RAPGEF2: variants seen among roughly 807,000 people sequenced by gnomAD.
RAPGEF2 encodes PDZ domain containing guanine nucleotide exchange factor (GEF) 1.
Under a neutral mutation model 186.7 loss-of-function variants are expected in RAPGEF2, and 54 were observed. That is an observed-to-expected ratio of 0.29 (90% confidence interval 0.23 to 0.36). The LOEUF is 0.36. Among genes scored for constraint, RAPGEF2 ranks in the 10% least tolerant of loss-of-function variants. The probability of loss-of-function intolerance (pLI) is 1.00; values close to 1 mark genes in which losing one functional copy is unlikely to be tolerated. For missense variants in RAPGEF2, 1,532 were observed against 2,045.0 expected, an observed-to-expected ratio of 0.75 and a Z score of 4.84; for synonymous variants, 712 against 705.9, an observed-to-expected ratio of 1.01 and a Z score of -0.14.
chr4:159,238,838 G>A lies in RAPGEF2; in HGVS notation c.311G>A (p.Arg104Lys), dbSNP rs1369649231. The change falls in exon 5 of 30, where the codon AGG becomes AAG. Residue 104 changes from arginine (R) to lysine (K), a missense_variant. By Grantham distance (26) the Arg-to-Lys change is conservative (BLOSUM62 2). Around this residue, in one of 4 missense-constraint regions of RAPGEF2, gnomAD observed 810 missense variants for 1,210.5 expected, o/e 0.67. Coordinates refer to ENST00000691494, the MANE Select transcript of RAPGEF2 (RefSeq NM_001394067.2). ...GGCAAGCGTTCTGCAGGAAGTTTTA[G>A]GCGTGGCTGTGAATGCATTGTTTTA... ...SFGKRSAGSFRRGCECIVLEP... is the reference protein window; with the variant it reads ...SFGKRSAGSFKRGCECIVLEP... 5 of 1,524,420 alleles carry A rather than the reference G, an allele frequency of 3.3e-6. No homozygotes were observed. Among genetic ancestry groups the A allele is most frequent in the Non-Finnish European group, 4.4e-6 (5 of 1,143,410 alleles). The allele number at this position is 1,524,420 out of a possible 1,614,324, so 94.4% of individuals were successfully genotyped here. A position where few individuals can be genotyped will look rare whatever the true frequency, so the allele number is the denominator to read the frequency against.
intron 7 of RAPGEF2, among the ~76,000 whole-genome samples, chr4:159,261,983 A>G (rs1756929327): frequency 6.6e-6 from 1 of 152,156 alleles, no homozygotes; most frequent in African/African-American, 2.4e-5. Context: ...TGCCTATCAA[A>G]TTATTTAAAA....
At chr4:159,330,592 T>A in intron 13 of RAPGEF2, 94 bp downstream of exon 13, 1 of 904,190 alleles carries the variant, frequency 1.1e-6, no homozygotes, top group Non-Finnish European at 1.7e-6. Context: ...ATGTCCAGAT[T>A]AATGTAATGA....
intron 7 of RAPGEF2, among the ~76,000 whole-genome samples, chr4:159,269,661 G>A (rs1284516084): frequency 6.6e-6 from 1 of 152,212 alleles, no homozygotes; most frequent in Non-Finnish European, 1.5e-5. Flanking sequence ...CTTAAAGTGT[G>A]TGTATGTTTG....
chr4:159,158,930 C>T (rs930192595), intron 1 of RAPGEF2, among the ~76,000 whole-genome samples: 6 of 152,078 alleles, frequency 3.9e-5, no homozygotes, highest in Non-Finnish European at 8.8e-5. Context: ...AAACAATAGC[C>T]GTAGCTGTAT....
Position 159,339,157 on chromosome 4 carries a change from A to G in RAPGEF2, c.2337A>G (p.Gln779=). The G allele has an allele frequency of 6.2e-7, 1 of 1,614,190 alleles. No individual in the cohort carries two copies. ...TAAGGGTTTTTAAGGCTGATCAGCAAAGCCGCTACATCATGATCAGTAAGG... is the reference window on the plus strand; with the variant it reads ...TAAGGGTTTTTAAGGCTGATCAGCAGAGCCGCTACATCATGATCAGTAAGG... ...QVLRVFKADQ[Q]SRYIMISKDT... Residue 779 remains glutamine, a synonymous_variant, in exon 19 of 30, where the codon CAA becomes CAG. Coordinates refer to ENST00000691494, the MANE Select transcript of RAPGEF2 (RefSeq NM_001394067.2).
chr4:159,170,434 C>CT (rs1437126667), intron 1 of RAPGEF2, among the ~76,000 whole-genome samples: 1 of 152,086 alleles, frequency 6.6e-6, no homozygotes, highest in South Asian at 2.1e-4. Flanking sequence ...ACAGTAAAAA[C>CT]TAATACAGTA....
chr4:159,246,789 G>A (rs1405141926), intron 7 of RAPGEF2, among the ~76,000 whole-genome samples: 1 of 152,048 alleles, frequency 6.6e-6, no homozygotes, highest in African/African-American at 2.4e-5. Flanking sequence ...GTTTTTTACT[G>A]AGGTTTCTTT....
At chr4:159,293,648 C>G (rs1014402747) in intron 7 of RAPGEF2, among the ~76,000 whole-genome samples, 2 of 152,196 alleles carry the variant, frequency 1.3e-5, no homozygotes, top group African/African-American at 2.4e-5. Flanking sequence ...ATAATGCTAG[C>G]TATTGTACCA....
chr4:159,238,735 G>A, intron 4 of RAPGEF2, 74 bp from the exon 5 acceptor site: 1 of 1,037,242 alleles, frequency 9.6e-7, no homozygotes, highest in Non-Finnish European at 1.3e-6. Flanking sequence ...CAGGAAGTTT[G>A]GCTTATGTTC....
chr4:159,193,208 G>T lies in RAPGEF2; in HGVS notation c.149G>T (p.Cys50Phe). ...TTTTATCTCTTTTACAGGTTAATGT[G>T]TGAAACTGTGAGATATGAGAGACAC... ...NLREHQLRLMCETVRYERHEA... is the reference protein window; with the variant it reads ...NLREHQLRLMFETVRYERHEA... The change falls in exon 3 of 30, where the codon TGT (cysteine) becomes TTT (phenylalanine). Residue 50 changes from cysteine (C) to phenylalanine (F), a missense_variant. Physicochemically the swap from Cys to Phe is radical, Grantham distance 205. Coordinates refer to ENST00000691494, the MANE Select transcript of RAPGEF2 (RefSeq NM_001394067.2). 6.7e-7 allele frequency: 1 copy of T among 1,500,544 alleles called. No individual in the cohort carries two copies. Among genetic ancestry groups the T allele is most frequent in the Non-Finnish European group, 8.9e-7 (1 of 1,129,892 alleles). 93.0% of individuals were successfully genotyped at this position (1,500,544 alleles called of 1,614,324 possible).
chr4:159,352,620 G>C, intron 26 of RAPGEF2, 65 bp from the exon 27 acceptor site: 1 of 1,341,438 alleles, frequency 7.5e-7, no homozygotes. Context: ...CTTCTATTTG[G>C]TAGACTTCCC....
chr4:159,300,678 G>A (rs184328581), intron 7 of RAPGEF2, among the ~76,000 whole-genome samples: 145 of 152,044 alleles, frequency 9.5e-4, no homozygotes, highest in Admixed American at 1.2e-3. Flanking sequence ...GGCTACAGTC[G>A]CAAGATAATT....
chr4:159,234,882 C>T (rs934212991), intron 4 of RAPGEF2, among the ~76,000 whole-genome samples: 4 of 152,154 alleles, frequency 2.6e-5, no homozygotes, highest in Admixed American at 2.0e-4. Context: ...ACCTCAGCCT[C>T]CTGAGTAGTT....
At position 159,330,509 on chromosome 4, in the gene RAPGEF2, T is replaced by C. The variant is rs1766540349; in HGVS notation, c.1467+11T>C. The C allele has an allele frequency of 6.3e-7, 1 of 1,580,248 alleles. No homozygotes were observed. Among genetic ancestry groups the C allele is most frequent in the Non-Finnish European group, 8.6e-7 (1 of 1,165,928 alleles). ...AGCCTCAGGGATAAGGTTGGAAATA[T>C]ATTCTATTTTGTCTCTTAAATATGA... On this transcript the variant is annotated intron_variant, in intron 13 of 29. Transcript: ENST00000691494.
chr4:159,255,760 T>G (rs1261198339), intron 7 of RAPGEF2, among the ~76,000 whole-genome samples: 1 of 152,196 alleles, frequency 6.6e-6, no homozygotes, highest in Non-Finnish European at 1.5e-5. Context: ...GTAAATACCA[T>G]GTTTTGTAGT....
At position 159,222,302 on chromosome 4, in the gene RAPGEF2, G is replaced by C. The variant is rs546028715; in HGVS notation, c.281+11719G>C. Among the ~76,000 whole-genome samples, 36 of 152,266 alleles carry C rather than the reference G, an allele frequency of 2.4e-4. 1 individual carries two copies. Among genetic ancestry groups the C allele is most frequent in the Admixed American group, 2.2e-3 (34 of 15,292 alleles). On this transcript the variant is annotated intron_variant, in intron 4 of 29. Transcript: ENST00000691494. Reference sequence around the variant, plus strand: ...CCTTTGGAACACTGGGATTGGTAGTGTCTTAACACAGTAAGTAGCCGTAAA... The same window carrying C: ...CCTTTGGAACACTGGGATTGGTAGTCTCTTAACACAGTAAGTAGCCGTAAA...
intron 7 of RAPGEF2, among the ~76,000 whole-genome samples, chr4:159,271,264 A>G (rs1255258398): frequency 6.6e-6 from 1 of 152,224 alleles, no homozygotes; most frequent in East Asian, 1.9e-4. Flanking sequence ...GTTTTAAAAT[A>G]AATTGATTTG....
rs1158256607 is a variant in RAPGEF2 at position 159,314,825 on chromosome 4, TTGTC to T, written c.853+60_853+63del. 4 of 1,484,368 alleles carry T rather than the reference TTGTC, an allele frequency of 2.7e-6. No individual in the cohort carries two copies. In the African/African-American group the frequency reaches 5.7e-5, roughly 21 times the overall value. The allele number at this position is 1,484,368 out of a possible 1,614,324, so 91.9% of individuals were successfully genotyped here. A position where few individuals can be genotyped will look rare whatever the true frequency, so the allele number is the denominator to read the frequency against. ...CAATTAAAAAGATTTAGTGGCAAAA[TTGTC>T]TGATGAAATAGAGCCCAAGACTAGT... On this transcript the variant is annotated intron_variant, in intron 9 of 29. Coordinates refer to ENST00000691494, the MANE Select transcript of RAPGEF2 (RefSeq NM_001394067.2).
intron 1 of RAPGEF2, among the ~76,000 whole-genome samples, chr4:159,183,215 A>G (rs1046507088): frequency 2.0e-5 from 3 of 152,244 alleles, no homozygotes; most frequent in South Asian, 2.1e-4. Flanking sequence ...TGATACAGGC[A>G]TAAGGATAGA....
Sources: allele counts gnomAD v4.1 joint callset (sites outside exome capture counted in the v4.1 genomes callset), GRCh38; gene constraint gnomAD v4.1.1; regional missense constraint gnomAD v4.1.1; transcripts MANE v1.5; gene names NCBI Gene and HGNC (gene_info 2026-07-23, HGNC 2026-07-21).